NAALADL2: variants seen among roughly 807,000 people sequenced by gnomAD.
NAALADL2 encodes the protein N-acetylated alpha-linked acidic dipeptidase like 2, also known as inactive N-acetylated-alpha-linked acidic dipeptidase-like protein 2.
In NAALADL2, 76 loss-of-function variants were observed where a neutral mutation model predicts 87.2. The ratio of observed to expected loss-of-function variants is 0.87; its 90% CI spans 0.72 to 1.05. The LOEUF (loss-of-function observed/expected upper bound fraction) is 1.05. Ranked by LOEUF, NAALADL2 falls within the 50% of genes least tolerant of loss-of-function variation. The pLI, the probability that NAALADL2 is intolerant of heterozygous loss-of-function variation, is 0.00. For synonymous variants in NAALADL2, 354 were observed against 331.0 expected (o/e 1.07, Z -0.75); for missense variants, 1,089 against 945.8 (o/e 1.15, Z -1.99).
chr3:175,352,572 C>T (rs747331752), intron 5 of NAALADL2, among the ~76,000 whole-genome samples: 3 of 152,088 alleles, frequency 2.0e-5, no homozygotes, highest in South Asian at 2.1e-4. Context: ...AAGGTGCTGC[C>T]ATTCAAGAAC....
chr3:175,311,314 ATC>A (rs2110304068), intron 4 of NAALADL2, among the ~76,000 whole-genome samples: 1 of 152,176 alleles, frequency 6.6e-6, no homozygotes, highest in African/African-American at 2.4e-5. Flanking sequence ...TAAAAAAGAA[ATC>A]TATAAAGTCA....
At chr3:175,719,276 A>C (rs1158591858) in intron 11 of NAALADL2, among the ~76,000 whole-genome samples, 1 of 152,000 alleles carries the variant, frequency 6.6e-6, no homozygotes, top group African/African-American at 2.4e-5. Flanking sequence ...AGAAATCTCT[A>C]TCTACTACTG....
At chr3:175,007,997 A>G (rs1334263185) in intron 1 of NAALADL2, among the ~76,000 whole-genome samples, 1 of 152,128 alleles carries the variant, frequency 6.6e-6, no homozygotes, top group East Asian at 1.9e-4. Flanking sequence ...TACATTGGGC[A>G]AAGAGATGAT....
At chr3:174,878,441 A>G (rs1182699070) in intron 1 of NAALADL2, among the ~76,000 whole-genome samples, 5 of 152,124 alleles carry the variant, frequency 3.3e-5, no homozygotes, top group Admixed American at 3.3e-4. Context: ...TGCGTGAGCA[A>G]CTATGTTGCT....
At chr3:175,523,107 C>T (rs1187136720) in intron 9 of NAALADL2, among the ~76,000 whole-genome samples, 6 of 152,176 alleles carry the variant, frequency 3.9e-5, no homozygotes, top group African/African-American at 1.4e-4. Context: ...TTAATGGAAT[C>T]AGCGGTTCTA....
At chr3:175,639,265 T>C (rs1728953646) in intron 11 of NAALADL2, among the ~76,000 whole-genome samples, 1 of 151,988 alleles carries the variant, frequency 6.6e-6, no homozygotes, top group Admixed American at 6.6e-5. Flanking sequence ...TCATACTGGC[T>C]TATCTACTGA....
intron 5 of NAALADL2, among the ~76,000 whole-genome samples, chr3:175,378,505 C>T (rs542683970): frequency 6.6e-6 from 1 of 152,350 alleles, no homozygotes; most frequent in Admixed American, 6.5e-5. Flanking sequence ...TGATTGTTCA[C>T]TTGGCCTTGT....
intron 13 of NAALADL2, among the ~76,000 whole-genome samples, chr3:175,775,558 A>C (rs1271798661): frequency 6.6e-6 from 1 of 152,144 alleles, no homozygotes; most frequent in African/African-American, 2.4e-5. Context: ...TATTCTAGGC[A>C]TTATGCTTGA....
intron 3 of NAALADL2, among the ~76,000 whole-genome samples, chr3:175,238,342 G>C: frequency 6.6e-6 from 1 of 152,066 alleles, no homozygotes. Flanking sequence ...GTTAACTGTA[G>C]ATGTAGAAAT....
intron 13 of NAALADL2, among the ~76,000 whole-genome samples, chr3:175,791,349 C>G (rs1390508615): frequency 1.3e-5 from 2 of 152,140 alleles, no homozygotes; most frequent in Non-Finnish European, 2.9e-5. Flanking sequence ...TAGCTGGAAG[C>G]AGGGCATATG....
At chr3:174,882,640 TATGTGCATATAC>T (rs1560318766) in intron 1 of NAALADL2, among the ~76,000 whole-genome samples, 18 of 147,554 alleles carry the variant, frequency 1.2e-4, no homozygotes, top group South Asian at 8.5e-4. Context: ...CATATACACA[TATGTGCATATAC>T]ACATATGTGC....
intron 2 of NAALADL2, among the ~76,000 whole-genome samples, chr3:174,592,821 C>CA (rs943315658): frequency 6.7e-6 from 1 of 148,216 alleles, no homozygotes; most frequent in Non-Finnish European, 1.5e-5. Context: ...CCTAGACCTA[C>CA]TTTTTTTTTT....
At chr3:175,425,426 A>G (rs1445423910) in intron 5 of NAALADL2, among the ~76,000 whole-genome samples, 2 of 152,188 alleles carry the variant, frequency 1.3e-5, no homozygotes, top group Non-Finnish European at 2.9e-5. Context: ...TATAAAATAC[A>G]ATTAAAAATG....
intron 2 of NAALADL2, among the ~76,000 whole-genome samples, chr3:175,125,490 G>A (rs1385020696): frequency 6.6e-6 from 1 of 152,054 alleles, no homozygotes; most frequent in Non-Finnish European, 1.5e-5. Context: ...ATAAATAGGG[G>A]TGGTGCAAAG....
intron 11 of NAALADL2, chr3:175,675,346 TACAGTA>T (rs1449182694): frequency 6.6e-6 from 1 of 152,226 alleles, no homozygotes; most frequent in Non-Finnish European, 1.5e-5. Context: ...TAAGGAGACT[TACAGTA>T]ACCTCTTTGA....
At chr3:175,329,465 C>T (rs936143725) in intron 5 of NAALADL2, among the ~76,000 whole-genome samples, 2 of 152,156 alleles carry the variant, frequency 1.3e-5, no homozygotes, top group African/African-American at 2.4e-5. Context: ...TATTCCTGGT[C>T]CAGTTACTTG....
chr3:175,662,685 G>A (rs887219876), intron 11 of NAALADL2, among the ~76,000 whole-genome samples: 1 of 151,832 alleles, frequency 6.6e-6, no homozygotes, highest in Non-Finnish European at 1.5e-5. Context: ...CCAATTTATT[G>A]AGGGTTTTTA....
chr3:175,790,070 A>ATACTT (rs1218205081), intron 13 of NAALADL2, among the ~76,000 whole-genome samples: 1 of 152,208 alleles, frequency 6.6e-6, no homozygotes. Flanking sequence ...AAATTTCAAA[A>ATACTT]TACTTACTAG....
At chr3:174,982,748 A>C (rs74442787) in intron 1 of NAALADL2, among the ~76,000 whole-genome samples, 3,744 of 152,308 alleles carry the variant, frequency 0.025, 146 homozygotes, top group African/African-American at 0.085. Context: ...GCTATTGGCA[A>C]ATGATGACGT....
Sources: allele counts gnomAD v4.1 joint callset (sites outside exome capture counted in the v4.1 genomes callset), GRCh38; gene constraint gnomAD v4.1.1; transcripts MANE v1.5; gene names NCBI Gene and HGNC (gene_info 2026-07-23, HGNC 2026-07-21).